PKD1: variants seen among roughly 807,000 people sequenced by gnomAD.
PKD1 encodes polycystin 1, transient receptor potential channel interacting.
Under a neutral mutation model 361.7 loss-of-function variants are expected in PKD1, and 81 were observed. The ratio of observed to expected loss-of-function variants is 0.22; its 90% CI spans 0.19 to 0.27. The LOEUF (loss-of-function observed/expected upper bound fraction) is 0.27, where lower values mean the gene tolerates loss of function less well. PKD1 is among the 10% of genes least tolerant of loss of function. The probability of loss-of-function intolerance (pLI) is 1.00; values close to 1 mark genes in which losing one functional copy is unlikely to be tolerated. For missense variants in PKD1, 6,399 were observed against 6,118.3 expected (o/e 1.05, Z -1.53); for synonymous variants, 3,615 against 2,818.3 (o/e 1.28, Z -8.95).
At chr16:2,105,242 GCTGCCCGT>G in intron 21 of PKD1, 72 bp downstream of exon 21, 1 of 1,446,282 alleles carries the variant, frequency 6.9e-7, no homozygotes, top group Non-Finnish European at 9.4e-7. Context: ...CCTCGGCCAA[GCTGCCCGT>G]CTGCCCTGGG....
chr16:2,109,896 C>G lies in PKD1; in HGVS notation c.5271G>C (p.Gly1757=). The change falls in exon 15 of 46, where the codon GGG becomes GGC. Residue 1757 remains glycine, a synonymous_variant. Transcript: ENST00000262304. ...GVVYTWSLEE[G]LSWETSEPFT... is the part of the protein sequence containing the mutation. ...ATGGCTCGGAGGTCTCCCAGCTCAG[C>G]CCCTCCTCCAAGGACCAAGTGTATA... 3.1e-6 allele frequency: 5 copies of G among 1,610,560 alleles called. No homozygotes were observed. Among genetic ancestry groups the G allele is most frequent in the Non-Finnish European group, 3.4e-6 (4 of 1,179,736 alleles).
intron 1 of PKD1, among the ~76,000 whole-genome samples, chr16:2,126,058 G>C (rs1207431414): frequency 6.6e-6 from 1 of 152,138 alleles, no homozygotes; most frequent in East Asian, 1.9e-4. Context: ...GGGCACAGCA[G>C]TGCCCTGGAG....
At position 2,103,857 on chromosome 16, in the gene PKD1, G is replaced by T. The variant is rs150568356; in HGVS notation, c.8200C>A (p.Pro2734Thr). The T allele has an allele frequency of 1.4e-3, 2,170 of 1,605,044 alleles. 2 individuals carry two copies. The highest frequency in any genetic ancestry group is 1.7e-3 in the Non-Finnish European group (2,049 of 1,178,088). The change falls in exon 23 of 46, where the codon CCA becomes ACA. Residue 2734 changes from proline (P) to threonine (T), a missense_variant. Coordinates refer to ENST00000262304, the MANE Select transcript of PKD1 (RefSeq NM_001009944.3). ...IHLASSDVRA[P>T]QPSELGAESP... Reference sequence around the variant, plus strand: ...TCGGCTCCCAGCTCTGAGGGCTGTGGTGCCCGCACGTCCGAGCTGGCCAGG... The same window carrying T: ...TCGGCTCCCAGCTCTGAGGGCTGTGTTGCCCGCACGTCCGAGCTGGCCAGG...
At position 2,105,710 on chromosome 16, in the gene PKD1, G is replaced by A. The variant is rs372379044; in HGVS notation, c.7863+155C>T. 1.2e-5 allele frequency: 16 copies of A among 1,285,768 alleles called. No individual in the cohort carries two copies. The East Asian group carries it at 1.3e-4, about 10-fold the overall frequency. 79.6% of individuals were successfully genotyped at this position (1,285,768 alleles called of 1,614,324 possible). Reference sequence around the variant, plus strand: ...CGGAGAGGGCCCGGTGGGTGTGGCTGCTGGGAGCGGAAGGTCGGGGTGCTG... The same window carrying A: ...CGGAGAGGGCCCGGTGGGTGTGGCTACTGGGAGCGGAAGGTCGGGGTGCTG... On this transcript the variant is annotated intron_variant, in intron 20 of 45. Coordinates refer to ENST00000262304, the MANE Select transcript of PKD1 (RefSeq NM_001009944.3).
intron 1 of PKD1, chr16:2,120,053 A>C (rs1241944872): frequency 5.1e-6 from 3 of 588,656 alleles, no homozygotes; most frequent in Non-Finnish European, 9.1e-6. Context: ...ATCTACAAAA[A>C]ATACACATTA....
At chr16:2,115,335 C>T (rs756495678) in intron 10 of PKD1, 43 bp downstream of exon 10, 6 of 1,457,692 alleles carry the variant, frequency 4.1e-6, no homozygotes, top group Non-Finnish European at 5.6e-6. Flanking sequence ...AGGAAGGTGG[C>T]CTGAGGAGAT....
At chr16:2,131,283 G>A (rs1424882522) in intron 1 of PKD1, among the ~76,000 whole-genome samples, 6 of 151,742 alleles carry the variant, frequency 4.0e-5, no homozygotes, top group Middle Eastern at 3.4e-3. Flanking sequence ...AGGCTGAGGC[G>A]GGAGGATCAC....
At chr16:2,092,834 T>C (rs2091659811) in intron 38 of PKD1, 120 bp downstream of exon 38, 2 of 1,255,032 alleles carry the variant, frequency 1.6e-6, no homozygotes, top group Non-Finnish European at 2.3e-6. Flanking sequence ...CAGCAGCACC[T>C]ACCTCCAGTT....
chr16:2,108,686 T>A lies in PKD1; in HGVS notation c.6481A>T (p.Met2161Leu), dbSNP rs963590344. The change falls in exon 15 of 46, where the codon ATG (methionine) becomes TTG (leucine). Residue 2161 changes from methionine (M) to leucine (L), a missense_variant. Met to Leu is a conservative substitution (Grantham distance 15). Coordinates refer to ENST00000262304, the MANE Select transcript of PKD1 (RefSeq NM_001009944.3). ...VDVVLPLQVL[M>L]RRSQRNYLEA... Reference sequence around the variant, plus strand: ...AAGTAGTTGCGCTGTGATCGCCGCATCAGCACCTGCAGGGGCAGGACCACG... The same window carrying A: ...AAGTAGTTGCGCTGTGATCGCCGCAACAGCACCTGCAGGGGCAGGACCACG... 8 of 1,569,214 alleles carry A rather than the reference T, an allele frequency of 5.1e-6. No homozygotes were observed. The Admixed American group carries it at 5.5e-5, about 11-fold the overall frequency.
In PKD1 at chr16:2,111,275, G is replaced by A. The variant is rs550056607; in HGVS notation, c.3892C>T (p.Arg1298Cys). The change falls in exon 15 of 46, where the codon CGC becomes TGC. Residue 1298 changes from arginine to cysteine, a missense_variant. By Grantham distance (180) the Arg-to-Cys change is radical. Transcript: ENST00000262304. ...HVLVFVLEVL[R>C]VEPAACIPTQ... The stretch of plus-strand genomic sequence containing the variant: ...GGGATGCAGGCGGCGGGTTCAACGC[G>A]CAGCACCTCCAGGACGAAGACCAGC... The A allele has an allele frequency of 1.6e-5, 26 of 1,609,604 alleles. No individual in the cohort carries two copies. Among genetic ancestry groups the A allele is most frequent in the African/African-American group, 5.3e-5 (4 of 74,994 alleles).
chr16:2,090,453 T>C lies in PKD1; in HGVS notation c.12276A>G (p.Ala4092=), dbSNP rs3087632. Residue 4092 remains alanine (A), a synonymous_variant, in exon 45 of 46, where the codon GCA becomes GCG. Coordinates refer to ENST00000262304, the MANE Select transcript of PKD1 (RefSeq NM_001009944.3). ...LSPLLCVGLW[A]LRLWGALRLG... ...GCCGTAGGGCGCCCCACAGCCGCAG[T>C]GCCCAGAGCCCCACACACAGCAGGG... 0.2 allele frequency: 314,649 copies of C among 1,611,916 alleles called. 40,334 individuals are homozygous for C. The highest frequency in any genetic ancestry group is 0.64 in the African/African-American group (48,150 of 74,956).
In PKD1 at chr16:2,135,732, C is replaced by G; in HGVS notation, c.-43G>C. 5 of 962,376 alleles carry G rather than the reference C, an allele frequency of 5.2e-6. No homozygotes were observed. Among genetic ancestry groups the G allele is most frequent in the Non-Finnish European group, 6.2e-6 (5 of 812,020 alleles). 59.6% of individuals were successfully genotyped at this position (962,376 alleles called of 1,614,324 possible). A position where few individuals can be genotyped will look rare whatever the true frequency, so the allele number is the denominator to read the frequency against. The stretch of plus-strand genomic sequence containing the variant: ...CATGGCCCCGCCGTCCCCAGGCCCG[C>G]CCGCGCGCGGAGGCCGCAGCTCAGG... On this transcript the variant is annotated 5_prime_UTR_variant, in exon 1 of 46. Transcript: ENST00000262304.
rs1191706545 is a variant in PKD1 at position 2,088,842 on chromosome 16, G to A, written c.*885C>T. ...CACAGCCAGCTCCGAGGGCCTTGAG[G>A]CTGCCTGGGCCATACAGCACACTCG... is the stretch of plus-strand genomic sequence containing the variant. On this transcript the variant is annotated 3_prime_UTR_variant, in exon 46 of 46. Coordinates refer to ENST00000262304, the MANE Select transcript of PKD1 (RefSeq NM_001009944.3). 11 of 592,436 alleles carry A rather than the reference G, an allele frequency of 1.9e-5. No homozygotes were observed. Among genetic ancestry groups the A allele is most frequent in the Non-Finnish European group, 2.7e-5 (9 of 336,624 alleles). 36.7% of individuals were successfully genotyped at this position (592,436 alleles called of 1,614,324 possible).
At position 2,093,687 on chromosome 16, in the gene PKD1, C is replaced by T. The variant is rs140757877; in HGVS notation, c.10873G>A (p.Asp3625Asn). ...CTCTCTACCAGGGTGTCATCTTCAT[C>T]CGGGTGCAGCCGCTTGGCCACCAGT... ...FSLVAKRLHP[D>N]EDDTLVESPA... Residue 3625 changes from aspartate to asparagine, a missense_variant, in exon 37 of 46, where the codon GAT becomes AAT. By Grantham distance (23) the Asp-to-Asn change is conservative. Transcript: ENST00000262304. 2 of 1,602,392 alleles carry T rather than the reference C, an allele frequency of 1.2e-6. No homozygotes were observed. The highest frequency in any genetic ancestry group is 2.2e-5 in the South Asian group (2 of 89,494).
intron 16 of PKD1, 113 bp from the exon 17 acceptor site, chr16:2,107,061 A>G (rs1311201865): frequency 7.2e-6 from 7 of 972,496 alleles, no homozygotes; most frequent in Admixed American, 1.9e-5. Flanking sequence ...GGGCCTGGCC[A>G]CTGCCGGTGA....
Position 2,108,432 on chromosome 16 carries a change from G to C in PKD1, c.6735C>G (p.Ile2245Met), listed in dbSNP as rs755165445. 1 of 1,610,546 alleles carries C rather than the reference G, an allele frequency of 6.2e-7. No homozygotes were observed. Among genetic ancestry groups the C allele is most frequent in the Non-Finnish European group, 8.5e-7 (1 of 1,179,730 alleles). Residue 2245 changes from isoleucine (I) to methionine (M), a missense_variant, in exon 15 of 46, where the codon ATC becomes ATG. Ile to Met is a conservative substitution (Grantham distance 10). Coordinates refer to ENST00000262304, the MANE Select transcript of PKD1 (RefSeq NM_001009944.3). ...SFGDTPLTQS[I>M]QANVTVAPER... The stretch of plus-strand genomic sequence containing the variant: ...CGGGGGCCACCGTCACATTGGCCTG[G>C]ATGCTCTGTGTCAGTGGCGTGTCCC...
At chr16:2,119,260 C>A in intron 2 of PKD1, 47 bp downstream of exon 2, 1 of 1,248,852 alleles carries the variant, frequency 8.0e-7, no homozygotes, top group Non-Finnish European at 1.1e-6. Context: ...TGCCGCCAGC[C>A]CACCCGGAGT....
In PKD1 at chr16:2,090,901, A is replaced by G. The variant is rs561419923; in HGVS notation, c.11986T>C (p.Phe3996Leu). The G allele has an allele frequency of 6.3e-7, 1 of 1,598,740 alleles. No individual in the cohort carries two copies. Among genetic ancestry groups the G allele is most frequent in the African/African-American group, 1.3e-5 (1 of 74,982 alleles). The change falls in exon 43 of 46, where the codon TTC becomes CTC. Residue 3996 changes from phenylalanine (F) to leucine (L), a missense_variant. Physicochemically the swap from Phe to Leu is conservative, Grantham distance 22 (BLOSUM62 0). Coordinates refer to ENST00000262304, the MANE Select transcript of PKD1 (RefSeq NM_001009944.3). ...AARGLAASLL[F>L]LLLVKAAQQL... ...GCCCTCACCTTGACCAAAAGCAGGA[A>G]GAGCAGCGAGGCCGCCAGGCCACGG... is the stretch of plus-strand genomic sequence containing the variant.
intron 15 of PKD1, 73 bp from the exon 16 acceptor site, chr16:2,108,105 G>C: frequency 1.3e-6 from 2 of 1,548,016 alleles, no homozygotes; most frequent in South Asian, 2.3e-5. Flanking sequence ...CGGCCCAGGA[G>C]ACAGCGCGGG....
Sources: gnomAD v4.1 joint callset for allele counts (sites outside exome capture counted in the v4.1 genomes callset) on GRCh38, gnomAD v4.1.1 for gene constraint, MANE v1.5 for transcripts, NCBI Gene and HGNC (gene_info 2026-07-23, HGNC 2026-07-21) for gene names.